The following NLGN1 variants were observed in gnomAD, a reference collection of about 807,000 sequenced individuals.
The protein encoded by NLGN1 is neuroligin 1.
Under a neutral mutation model 65.5 loss-of-function variants are expected in NLGN1, and 12 were observed. The ratio of observed to expected loss-of-function variants is 0.18; its 90% CI spans 0.12 to 0.30. NLGN1 has a LOEUF of 0.30. NLGN1 is among the 10% of genes least tolerant of loss of function. The pLI is 1.00. For missense variants in NLGN1, 750 were observed against 1,007.1 expected (o/e 0.74, Z 3.46); for synonymous variants, 350 against 359.5 (o/e 0.97, Z 0.30).
At chr3:173,660,961 CT>C (rs899383993) in intron 3 of NLGN1, among the ~76,000 whole-genome samples, 1 of 151,956 alleles carries the variant, frequency 6.6e-6, no homozygotes, top group African/African-American at 2.4e-5. Flanking sequence ...CCTGAGTTTC[CT>C]CATTTATAAA....
At chr3:173,909,962 G>A (rs1739252538) in intron 4 of NLGN1, among the ~76,000 whole-genome samples, 2 of 152,194 alleles carry the variant, frequency 1.3e-5, no homozygotes, top group African/African-American at 2.4e-5. Flanking sequence ...ACAGGCGTGA[G>A]CCATCACACC....
intron 4 of NLGN1, among the ~76,000 whole-genome samples, chr3:174,170,235 T>C (rs893017810): frequency 1.4e-4 from 22 of 152,002 alleles, no homozygotes; most frequent in African/African-American, 5.1e-4. Context: ...AAAAAAAAAC[T>C]TTTAAGTTTT....
intron 4 of NLGN1, among the ~76,000 whole-genome samples, chr3:174,252,881 C>G (rs1745029341): frequency 6.6e-6 from 1 of 152,114 alleles, no homozygotes; most frequent in Admixed American, 6.6e-5. Flanking sequence ...AAAGAGAGAA[C>G]AGGAGACATG....
chr3:173,498,297 A>T (rs1312094876), intron 2 of NLGN1, among the ~76,000 whole-genome samples: 1 of 151,270 alleles, frequency 6.6e-6, no homozygotes, highest in African/African-American at 2.5e-5. Context: ...GAGTGACAAC[A>T]TGCGGTGTTG....
intron 3 of NLGN1, among the ~76,000 whole-genome samples, chr3:173,786,913 T>C (rs1273734239): frequency 1.3e-5 from 2 of 151,968 alleles, no homozygotes; most frequent in African/African-American, 4.8e-5. Context: ...TCGTCTCTAC[T>C]AAAAATACAA....
chr3:173,665,609 TA>T (rs1577834464), intron 3 of NLGN1, among the ~76,000 whole-genome samples: 1 of 152,342 alleles, frequency 6.6e-6, no homozygotes, highest in East Asian at 1.9e-4. Flanking sequence ...TAAACAGTGC[TA>T]ATCTTCTGTC....
At chr3:174,095,338 G>A (rs1391924308) in intron 4 of NLGN1, among the ~76,000 whole-genome samples, 1 of 151,734 alleles carries the variant, frequency 6.6e-6, no homozygotes, top group Non-Finnish European at 1.5e-5. Context: ...CCAATGAAAA[G>A]CAAATTAAGA....
At chr3:174,176,411 G>C (rs943484476) in intron 4 of NLGN1, among the ~76,000 whole-genome samples, 2 of 151,780 alleles carry the variant, frequency 1.3e-5, no homozygotes, top group African/African-American at 2.4e-5. Context: ...ATCATCAGTG[G>C]TATTTTTAAA....
intron 3 of NLGN1, among the ~76,000 whole-genome samples, chr3:173,777,631 GTCTA>G (rs747269015): frequency 0.23 from 8,184 of 35,546 alleles, 331 homozygotes; most frequent in South Asian, 0.36. Flanking sequence ...CTGTCTGTCT[GTCTA>G]TCTATCTATC....
At chr3:174,163,272 C>T (rs1726903046) in intron 4 of NLGN1, among the ~76,000 whole-genome samples, 1 of 151,900 alleles carries the variant, frequency 6.6e-6, no homozygotes, top group Non-Finnish European at 1.5e-5. Context: ...AGATTCACTG[C>T]CCATGGATAT....
chr3:173,959,699 G>A (rs1487469149), intron 4 of NLGN1, among the ~76,000 whole-genome samples: 2 of 152,120 alleles, frequency 1.3e-5, no homozygotes, highest in African/African-American at 4.8e-5. Context: ...TACATCATAT[G>A]CAAAAGTGCT....
chr3:173,600,327 GTA>G (rs1372085459), intron 2 of NLGN1, among the ~76,000 whole-genome samples: 2 of 151,810 alleles, frequency 1.3e-5, no homozygotes, highest in African/African-American at 4.8e-5. Flanking sequence ...ACTCTATATT[GTA>G]TAGCATTGGT....
chr3:173,752,447 C>T (rs78740480), intron 3 of NLGN1, among the ~76,000 whole-genome samples: 455 of 152,118 alleles, frequency 3.0e-3, no homozygotes, highest in African/African-American at 0.01. Flanking sequence ...TGCTTTTTTC[C>T]CAGCTCACCC....
At chr3:174,238,258 T>C (rs975766571) in intron 4 of NLGN1, among the ~76,000 whole-genome samples, 1 of 152,196 alleles carries the variant, frequency 6.6e-6, no homozygotes, top group African/African-American at 2.4e-5. Flanking sequence ...TCCTCTGGAA[T>C]GTGTGTCTAA....
intron 3 of NLGN1, among the ~76,000 whole-genome samples, chr3:173,639,100 C>T (rs1341058400): frequency 1.3e-5 from 2 of 152,148 alleles, no homozygotes; most frequent in Non-Finnish European, 2.9e-5. Flanking sequence ...TAAAATGCTT[C>T]ACTTGTTAGA....
chr3:173,765,047 G>T (rs1174857908), intron 3 of NLGN1, among the ~76,000 whole-genome samples: 1 of 127,390 alleles, frequency 7.8e-6, no homozygotes. Context: ...AATTGCTGTG[G>T]GTGCATGTGT....
intron 4 of NLGN1, among the ~76,000 whole-genome samples, chr3:173,888,036 C>T (rs73035434): frequency 0.032 from 4,937 of 152,026 alleles, 269 homozygotes; most frequent in African/African-American, 0.11. Context: ...TAGGAAATGC[C>T]TGTAGTGACA....
rs767144342 is a variant in NLGN1 at position 174,279,338 on chromosome 3, G to A, written c.1337G>A (p.Arg446His). Residue 446 changes from arginine (R) to histidine (H), a missense_variant, in exon 6 of 7, where the codon CGT becomes CAT. Arg to His is a conservative substitution (Grantham distance 29). Transcript: ENST00000457714. This position sits in a 1 kb window ranked among gnomAD's most constrained non-coding sequence, Gnocchi z 4.7. Reference sequence around the variant, plus strand: ...TTCATGTATACTGACTGGGCTGACCGTCATAACCCTGAAACCAGAAGAAAG... The same window carrying A: ...TTCATGTATACTGACTGGGCTGACCATCATAACCCTGAAACCAGAAGAAAG... The A allele has an allele frequency of 5.6e-6, 9 of 1,613,264 alleles. No homozygotes were observed. Among genetic ancestry groups the A allele is most frequent in the South Asian group, 2.2e-5 (2 of 91,074 alleles).
chr3:173,415,137 G>A (rs1713414881), intron 1 of NLGN1, among the ~76,000 whole-genome samples: 1 of 152,156 alleles, frequency 6.6e-6, no homozygotes, highest in Admixed American at 6.5e-5. Context: ...TGTTATTAAA[G>A]GGTGATTTCA....
Sources: allele counts gnomAD v4.1 joint callset (sites outside exome capture counted in the v4.1 genomes callset), GRCh38; gene constraint gnomAD v4.1.1; non-coding constraint Gnocchi (gnomAD v3.1); transcripts MANE v1.5; gene names NCBI Gene and HGNC (gene_info 2026-07-23, HGNC 2026-07-21).